Variants in CADM2 observed in about 807,000 individuals in gnomAD.
CADM2 encodes the protein immunoglobulin superfamily member 4D.
Under a neutral mutation model 49.8 loss-of-function variants are expected in CADM2, and 12 were observed. The observed-to-expected ratio is 0.24, with a 90% CI of 0.15 to 0.39. CADM2 has a LOEUF of 0.39. Among genes scored for constraint, CADM2 ranks in the 10% least tolerant of loss-of-function variants. The pLI is 1.00. For synonymous variants in CADM2, 214 were observed against 175.4 expected, an observed-to-expected ratio of 1.22 and a Z score of -1.74; for missense variants, 378 against 492.3, an observed-to-expected ratio of 0.77 and a Z score of 2.20.
chr3:85,637,621 A>AAAAATAAAATAAAATAAAATAAAAT (rs1559958577), intron 1 of CADM2, among the ~76,000 whole-genome samples: 8 of 114,518 alleles, frequency 7.0e-5, no homozygotes, highest in South Asian at 3.0e-4. Context: ...AAAAAAAAAA[A>AAAAATAAAATAAAATAAAATAAAAT]AAAATAAAAT....
chr3:85,169,918 T>C (rs1166635136), intron 1 of CADM2, among the ~76,000 whole-genome samples: 1 of 152,214 alleles, frequency 6.6e-6, no homozygotes, highest in African/African-American at 2.4e-5. Context: ...GTGAAAACTT[T>C]TTGTGACAGA....
chr3:85,139,047 C>T (rs549931470), intron 1 of CADM2, among the ~76,000 whole-genome samples: 6 of 152,216 alleles, frequency 3.9e-5, no homozygotes, highest in South Asian at 2.1e-4. Context: ...CTACTGGCAT[C>T]GGTGAGTGCA....
chr3:85,594,448 A>G (rs2063189255), intron 1 of CADM2, among the ~76,000 whole-genome samples: 1 of 151,934 alleles, frequency 6.6e-6, no homozygotes, highest in African/African-American at 2.4e-5. Context: ...TTTGGGGTGG[A>G]AAGAGCAGGC....
In CADM2 at chr3:85,958,495, C is replaced by T. The variant is rs974299927; in HGVS notation, c.792-2974C>T. The stretch of plus-strand genomic sequence containing the variant: ...TCGTTCTAATATAAAGACACAAATT[C>T]CTCAAGGATCTATAACCAGAAATAC... On this transcript the variant is annotated intron_variant, in intron 7 of 9. Coordinates refer to ENST00000383699, the MANE Select transcript of CADM2 (RefSeq NM_001167675.2). Among the ~76,000 whole-genome samples, 40 of 151,962 alleles carry T rather than the reference C, an allele frequency of 2.6e-4. 2 individuals are homozygous for T. Among genetic ancestry groups the T allele is most frequent in the Admixed American group, 2.3e-3 (35 of 15,218 alleles).
chr3:85,108,360 GC>G (rs1490837057), intron 1 of CADM2, among the ~76,000 whole-genome samples: 1 of 152,170 alleles, frequency 6.6e-6, no homozygotes, highest in African/African-American at 2.4e-5. Flanking sequence ...TGTAATGTTA[GC>G]CTTAAAAGGA....
At chr3:84,970,654 A>G (rs1559595606) in intron 1 of CADM2, among the ~76,000 whole-genome samples, 2 of 152,188 alleles carry the variant, frequency 1.3e-5, no homozygotes, top group Non-Finnish European at 2.9e-5. Flanking sequence ...CTGTAAATAA[A>G]TGTCAAATGA....
chr3:85,940,346 A>T (rs1053318873), intron 7 of CADM2, among the ~76,000 whole-genome samples: 1 of 151,878 alleles, frequency 6.6e-6, no homozygotes. Flanking sequence ...TCCAAAAAAA[A>T]TTACAGCAAA....
At chr3:85,504,386 A>G (rs576113982) in intron 1 of CADM2, among the ~76,000 whole-genome samples, 4 of 152,316 alleles carry the variant, frequency 2.6e-5, no homozygotes, top group Non-Finnish European at 5.9e-5. Flanking sequence ...TTTACTGCAA[A>G]GAGCAAAAGA....
Position 86,068,854 on chromosome 3 carries a change from A to G in CADM2, c.*2071A>G, listed in dbSNP as rs182628761. 6.6e-6 allele frequency: 1 copy of G among 152,518 alleles called. No homozygotes were observed. The highest frequency in any genetic ancestry group is 2.4e-5 in the African/African-American group (1 of 41,556). 9.4% of individuals were successfully genotyped at this position (152,518 alleles called of 1,614,324 possible). ...TTGTTTTTACAGTTCACTCCATACC[A>G]TCTGTGGAAAAATGCAATAATATGT... On this transcript the variant is annotated 3_prime_UTR_variant, in exon 10 of 10. Coordinates refer to ENST00000383699, the MANE Select transcript of CADM2 (RefSeq NM_001167675.2).
chr3:86,008,766 T>A (rs913309990), intron 8 of CADM2, among the ~76,000 whole-genome samples: 2 of 152,026 alleles, frequency 1.3e-5, no homozygotes, highest in African/African-American at 4.8e-5. Context: ...TATAATTTCA[T>A]TAATAAGGTT....
intron 1 of CADM2, among the ~76,000 whole-genome samples, chr3:85,031,235 A>G (rs1381579715): frequency 6.6e-6 from 1 of 152,190 alleles, no homozygotes; most frequent in African/African-American, 2.4e-5. Flanking sequence ...GAGCATCTGC[A>G]CTGATTTAAC....
chr3:85,986,359 G>T (rs1354943399), intron 8 of CADM2, among the ~76,000 whole-genome samples: 1 of 152,038 alleles, frequency 6.6e-6, no homozygotes, highest in Admixed American at 6.6e-5. Context: ...AGAACATTTG[G>T]AGTAGTAGAA....
intron 1 of CADM2, among the ~76,000 whole-genome samples, chr3:85,156,914 C>T (rs370204488): frequency 2.0e-4 from 31 of 152,020 alleles, no homozygotes; most frequent in African/African-American, 6.0e-4. Flanking sequence ...TGTTTGCAGA[C>T]GACATGATTG....
At chr3:85,212,232 C>G (rs544808403) in intron 1 of CADM2, among the ~76,000 whole-genome samples, 5 of 152,120 alleles carry the variant, frequency 3.3e-5, no homozygotes, top group Admixed American at 3.3e-4. Context: ...TTCGGCCACC[C>G]TAAGTCTATT....
intron 1 of CADM2, among the ~76,000 whole-genome samples, chr3:85,032,169 T>G (rs1270091882): frequency 6.6e-6 from 1 of 151,976 alleles, no homozygotes; most frequent in African/African-American, 2.4e-5. Flanking sequence ...TGGCTATATT[T>G]GAAATGAAAA....
chr3:85,413,705 A>T (rs1377016684), intron 1 of CADM2, among the ~76,000 whole-genome samples: 2 of 152,058 alleles, frequency 1.3e-5, no homozygotes. Context: ...GGGGAAATCC[A>T]CCCTCACGAT....
At chr3:85,597,319 A>C (rs1013602226) in intron 1 of CADM2, among the ~76,000 whole-genome samples, 1 of 152,142 alleles carries the variant, frequency 6.6e-6, no homozygotes, top group African/African-American at 2.4e-5. Flanking sequence ...TTAGCACTAC[A>C]GTCATGCTGT....
chr3:85,770,693 C>T (rs993295648), intron 2 of CADM2, among the ~76,000 whole-genome samples: 9 of 152,056 alleles, frequency 5.9e-5, no homozygotes, highest in African/African-American at 2.2e-4. Context: ...ATGAAAGCAG[C>T]AAGTGTATAG....
chr3:85,441,792 G>A (rs984511393), intron 1 of CADM2, among the ~76,000 whole-genome samples: 2 of 151,996 alleles, frequency 1.3e-5, no homozygotes, highest in East Asian at 1.9e-4. Context: ...GTTATGACAC[G>A]TGGTGAGAGA....
Sources: gnomAD v4.1 joint callset for allele counts (sites outside exome capture counted in the v4.1 genomes callset) on GRCh38, gnomAD v4.1.1 for gene constraint, MANE v1.5 for transcripts, NCBI Gene and HGNC (gene_info 2026-07-23, HGNC 2026-07-21) for gene names.